The following NFIC variants were observed in gnomAD, a reference collection of about 807,000 sequenced individuals.
The protein encoded by NFIC is nuclear factor I C, also known as nuclear factor 1 C-type.
In NFIC, 12 loss-of-function variants were observed where a neutral mutation model predicts 54.4. The ratio of observed to expected loss-of-function variants is 0.22; its 90% confidence interval spans 0.14 to 0.36. NFIC has a LOEUF of 0.36. NFIC is among the 10% of genes least tolerant of loss of function. NFIC has a pLI of 1.00. For missense variants in NFIC, 575 were observed against 718.2 expected (o/e 0.80, Z 2.28); for synonymous variants, 322 against 319.2 (o/e 1.01, Z -0.09).
At chr19:3,433,629 G>C in intron 4 of NFIC, 37 bp downstream of exon 4, 2 of 1,606,880 alleles carry the variant, frequency 1.2e-6, no homozygotes, top group Non-Finnish European at 1.7e-6. Flanking sequence ...GGGTCTTGGA[G>C]AGGGGAGGGG....
At position 3,431,360 on chromosome 19, in the gene NFIC, CTTTTTTTT is replaced by C. The variant is rs71164702; in HGVS notation, c.635-2139_635-2132del. On this transcript the variant is annotated intron_variant, in intron 3 of 10. Transcript: ENST00000443272. ...CCTCATTCTTTTTCTTTTCCTTCTT[CTTTTTTTT>C]TTTTTTTTTTTTTTTTTTGAGACAG... 8.5e-3 allele frequency among the ~76,000 whole-genome samples: 719 copies of C among 84,172 alleles called. 10 individuals are homozygous for C. The highest frequency in any genetic ancestry group is 0.03 in the African/African-American group (626 of 21,150). 55.2% of individuals were successfully genotyped at this position (84,172 alleles called of 152,430 possible). A position where few individuals can be genotyped will look rare whatever the true frequency, so the allele number is the denominator to read the frequency against.
intron 2 of NFIC, among the ~76,000 whole-genome samples, chr19:3,422,061 C>T (rs902515630): frequency 9.9e-5 from 15 of 152,042 alleles, no homozygotes; most frequent in African/African-American, 2.4e-4. Flanking sequence ...CTCAGCCTCC[C>T]GAGTAGCTGG....
chr19:3,429,134 TATACACACACACACACACACACAC>T (rs2082075260), intron 3 of NFIC, among the ~76,000 whole-genome samples: 1 of 67,162 alleles, frequency 1.5e-5, no homozygotes, highest in Non-Finnish European at 2.7e-5. Flanking sequence ...AAAAAAAAAA[TATACACACACACACACACACACAC>T]ACACACACAC....
chr19:3,363,958 G>A (rs1399132439), upstream of NFIC, among the ~76,000 whole-genome samples: 3 of 152,198 alleles, frequency 2.0e-5, no homozygotes, highest in Non-Finnish European at 4.4e-5. Context: ...ATAACCAGTT[G>A]GGAGCCACTG....
rs1189701787 is a variant in NFIC at position 3,432,668 on chromosome 19, CTCT to C, written c.635-848_635-846del. ...TGTGAGCCCAGGCCTCCGCTTTCCGCTCTTTTTTTTTTTTTTTTTTGAGATGGA... is the reference window on the plus strand; with the variant it reads ...TGTGAGCCCAGGCCTCCGCTTTCCGCTTTTTTTTTTTTTTTTTGAGATGGA... On this transcript the variant is annotated intron_variant, in intron 3 of 10. Transcript: ENST00000443272. Among the ~76,000 whole-genome samples, 534 of 137,496 alleles carry C rather than the reference CTCT, an allele frequency of 3.9e-3. 3 individuals are homozygous for C. The highest frequency in any genetic ancestry group is 0.015 in the African/African-American group (507 of 34,836). The allele number at this position is 137,496 out of a possible 152,430, so 90.2% of individuals were successfully genotyped here.
chr19:3,451,240 A>G (rs544953665), intron 7 of NFIC, among the ~76,000 whole-genome samples: 5 of 152,300 alleles, frequency 3.3e-5, no homozygotes, highest in South Asian at 4.1e-4. Flanking sequence ...TGAAATGTCC[A>G]GGACAGGGCC....
Position 3,463,467 on chromosome 19 carries a change from G to A in NFIC, c.*698G>A, listed in dbSNP as rs933897364. 2.0e-5 allele frequency: 20 copies of A among 985,270 alleles called. No individual in the cohort carries two copies. The highest frequency in any genetic ancestry group is 2.3e-5 in the Non-Finnish European group (19 of 829,976). The allele number at this position is 985,270 out of a possible 1,614,324, so 61.0% of individuals were successfully genotyped here. On this transcript the variant is annotated 3_prime_UTR_variant, in exon 11 of 11. Transcript: ENST00000443272. ...TGGCCAGGGGAGGAAGTGAGGCCCA[G>A]GCACCTGCTGCCCCTCGAGGGGGCC...
chr19:3,370,769 G>A lies in NFIC; in HGVS notation c.30+4103G>A, dbSNP rs1599556522. Among the ~76,000 whole-genome samples the A allele has an allele frequency of 6.6e-6, 1 of 151,250 alleles. No individual in the cohort carries two copies. The highest frequency in any genetic ancestry group is 2.4e-5 in the African/African-American group (1 of 41,170). ...TTCTCTCTCTCTGTCTCTCTGAGCTGGCCTCCCTCCCTGTCTCACACCAAA... is the reference window on the plus strand; with the variant it reads ...TTCTCTCTCTCTGTCTCTCTGAGCTAGCCTCCCTCCCTGTCTCACACCAAA... On this transcript the variant is annotated intron_variant, in intron 1 of 10. Coordinates refer to ENST00000443272, the MANE Select transcript of NFIC (RefSeq NM_001245002.2). This position sits in a 1 kb window ranked among gnomAD's most constrained non-coding sequence, Gnocchi z 5.2.
rs2082616564 is a variant in NFIC, at chr19:3,459,987, G to T, written c.1510-2765G>T. Among the ~76,000 whole-genome samples, 1 of 152,214 alleles carries T rather than the reference G, an allele frequency of 6.6e-6. No individual in the cohort carries two copies. The highest frequency in any genetic ancestry group is 1.5e-5 in the Non-Finnish European group (1 of 68,042). On this transcript the variant is annotated intron_variant, in intron 10 of 10. Transcript: ENST00000443272. The surrounding 1 kb of genome is among the most constrained non-coding windows in gnomAD (Gnocchi z 4.2). The stretch of plus-strand genomic sequence containing the variant: ...CCTCCCCTCACAGTCCACCCTGGAT[G>T]CTCCATCTGGGGTTGGAGTTTGCGT...
intron 2 of NFIC, among the ~76,000 whole-genome samples, chr19:3,417,624 C>CTTTTTT (rs757954619): frequency 7.6e-4 from 93 of 121,598 alleles, no homozygotes; most frequent in African/African-American, 1.1e-3. Flanking sequence ...TTTTTCTTTT[C>CTTTTTT]TTTTTTTTTT....
chr19:3,456,692 CG>C lies in NFIC; in HGVS notation c.1509+63del. 5 of 1,341,678 alleles carry C rather than the reference CG, an allele frequency of 3.7e-6. No homozygotes were observed. The Admixed American group carries it at 6.0e-5, about 16-fold the overall frequency. The allele number at this position is 1,341,678 out of a possible 1,614,324, so 83.1% of individuals were successfully genotyped here. ...GAGGGGCAGGGCAGAGGGGCCGGCC[CG>C]GGGGGCTCAGGGCGAAGAGGGCCTG... is the stretch of plus-strand genomic sequence containing the variant. On this transcript the variant is annotated intron_variant, in intron 10 of 10. Transcript: ENST00000443272.
chr19:3,366,463 G>A (rs557923420), upstream of NFIC: 2,128 of 505,428 alleles, frequency 4.2e-3, 12 homozygotes, highest in Non-Finnish European at 6.0e-3. Context: ...CGGCGCGAGA[G>A]AGGGAGAGCA....
intron 2 of NFIC, among the ~76,000 whole-genome samples, chr19:3,383,684 C>T (rs2081248649): frequency 6.6e-6 from 1 of 152,188 alleles, no homozygotes; most frequent in African/African-American, 2.4e-5. Flanking sequence ...CACGCGTGAA[C>T]CCCCACACAC....
chr19:3,427,655 C>G (rs532956747), intron 3 of NFIC, among the ~76,000 whole-genome samples: 1 of 148,258 alleles, frequency 6.7e-6, no homozygotes, highest in Non-Finnish European at 1.5e-5. Flanking sequence ...ATGGTGAAAC[C>G]GTCTCTACTA....
At chr19:3,420,056 C>T (rs1355642845) in intron 2 of NFIC, among the ~76,000 whole-genome samples, 2 of 152,140 alleles carry the variant, frequency 1.3e-5, no homozygotes, top group East Asian at 3.9e-4. Context: ...CGTGGTAGCT[C>T]ACACCTGTAA....
chr19:3,393,004 G>A (rs1009300689), intron 2 of NFIC, among the ~76,000 whole-genome samples: 2 of 152,148 alleles, frequency 1.3e-5, no homozygotes, highest in African/African-American at 4.8e-5. Context: ...ACAGTGGCGC[G>A]ATCTCGGCTC....
intron 4 of NFIC, 56 bp downstream of exon 4, chr19:3,433,648 G>A: frequency 6.3e-7 from 1 of 1,576,042 alleles, no homozygotes; most frequent in East Asian, 2.3e-5. Context: ...GGGCCGCAGG[G>A]AGGAAGGAGC....
chr19:3,367,227 T>C (rs1042332446), intron 1 of NFIC, among the ~76,000 whole-genome samples: 3 of 151,926 alleles, frequency 2.0e-5, no homozygotes, highest in Non-Finnish European at 1.5e-5. Flanking sequence ...CACGTGTGCA[T>C]GGAGGGGGAG....
At chr19:3,454,058 A>G (rs1342093784) in intron 9 of NFIC, 142 bp downstream of exon 9, 38 of 1,380,352 alleles carry the variant, frequency 2.8e-5, no homozygotes, top group Middle Eastern at 5.3e-4. Context: ...AAAACAGCCC[A>G]GTGGCCACGT....
Sources: allele counts gnomAD v4.1 joint callset (sites outside exome capture counted in the v4.1 genomes callset), GRCh38; gene constraint gnomAD v4.1.1; non-coding constraint Gnocchi (gnomAD v3.1); transcripts MANE v1.5; gene names NCBI Gene and HGNC (gene_info 2026-07-23, HGNC 2026-07-21).